TMOD2: variants seen among roughly 807,000 people sequenced by gnomAD.
TMOD2 encodes the protein tropomodulin-2.
TMOD2 carries 22 observed loss-of-function variants against 39.9 expected under a neutral mutation model. The ratio of observed to expected loss-of-function variants is 0.55; its 90% confidence interval spans 0.39 to 0.79. The LOEUF is 0.79. TMOD2 is among the 30% of genes least tolerant of loss of function. The pLI, the probability that TMOD2 is intolerant of heterozygous loss-of-function variation, is 0.00. For missense variants in TMOD2, 386 were observed against 413.3 expected (o/e 0.93, Z 0.57); for synonymous variants, 123 against 146.1 (o/e 0.84, Z 1.14).
rs1487416953 is a variant in TMOD2, at chr15:51,815,510, A to T, written c.*7056A>T. The T allele has an allele frequency of 6.6e-6, 1 of 152,200 alleles. No individual in the cohort carries two copies. The highest frequency in any genetic ancestry group is 1.5e-5 in the Non-Finnish European group (1 of 68,028). The allele number at this position is 152,200 out of a possible 1,614,324, so 9.4% of individuals were successfully genotyped here. On this transcript the variant is annotated 3_prime_UTR_variant, in exon 10 of 10. Transcript: ENST00000249700. ...CAAGATTTAAAACTTCCTGTGGGTA[A>T]TCTAACTGTGAGTAGATAGGAATCG...
intron 4 of TMOD2, among the ~76,000 whole-genome samples, chr15:51,775,754 T>A (rs985514347): frequency 5.3e-5 from 8 of 151,946 alleles, no homozygotes; most frequent in African/African-American, 1.7e-4. Flanking sequence ...ATTTTTCTAT[T>A]TTTTGTAGAG....
chr15:51,787,130 C>T (rs951938834), intron 7 of TMOD2, among the ~76,000 whole-genome samples: 1 of 142,852 alleles, frequency 7.0e-6, no homozygotes, highest in Non-Finnish European at 1.5e-5. Context: ...GCCCAAATAC[C>T]GCGCTTTTTC....
At chr15:51,796,199 T>A (rs2056050440) in intron 7 of TMOD2, among the ~76,000 whole-genome samples, 1 of 152,120 alleles carries the variant, frequency 6.6e-6, no homozygotes, top group Admixed American at 6.5e-5. Context: ...GCCCCTTTAT[T>A]TTTCTCCATT....
rs542946956 is a variant in TMOD2, at chr15:51,811,457, T to C, written c.*3003T>C. ...GTGTAAAATCACTCACCTGGACTTG[T>C]GGGCTTGTATCACCAACATCTATTA... On this transcript the variant is annotated 3_prime_UTR_variant, in exon 10 of 10. Transcript: ENST00000249700. 5 of 152,308 alleles carry C rather than the reference T, an allele frequency of 3.3e-5. No homozygotes were observed. The East Asian group carries it at 9.6e-4, about 29-fold the overall frequency. The allele number at this position is 152,308 out of a possible 1,614,324, so 9.4% of individuals were successfully genotyped here. A position where few individuals can be genotyped will look rare whatever the true frequency, so the allele number is the denominator to read the frequency against.
intron 8 of TMOD2, among the ~76,000 whole-genome samples, chr15:51,801,526 C>G (rs184909836): frequency 6.6e-6 from 1 of 152,184 alleles, no homozygotes; most frequent in African/African-American, 2.4e-5. Context: ...GAAGCCAAGA[C>G]CAATTTAACA....
In TMOD2 at chr15:51,777,544, T is replaced by C. The variant is rs566010814; in HGVS notation, c.493+526T>C. 8.5e-5 allele frequency among the ~76,000 whole-genome samples: 13 copies of C among 152,330 alleles called. No individual in the cohort carries two copies. The East Asian group carries it at 1.9e-3, about 23-fold the overall frequency. On this transcript the variant is annotated intron_variant, in intron 5 of 9. Coordinates refer to ENST00000249700, the MANE Select transcript of TMOD2 (RefSeq NM_014548.4). ...GTGCACAGGACATTCCACACCACTA[T>C]CTTCTATGTCAACGTTTCCTATAGA...
intron 3 of TMOD2, among the ~76,000 whole-genome samples, chr15:51,770,837 C>G (rs2055848776): frequency 6.6e-6 from 1 of 152,072 alleles, no homozygotes; most frequent in Non-Finnish European, 1.5e-5. Flanking sequence ...TAATAGTGAA[C>G]AGTGACAAAC....
chr15:51,802,883 G>T (rs1391198887), intron 8 of TMOD2, among the ~76,000 whole-genome samples: 1 of 152,178 alleles, frequency 6.6e-6, no homozygotes, highest in Non-Finnish European at 1.5e-5. Context: ...AGGGGTTGCT[G>T]GATGACAAGA....
chr15:51,754,263 A>G (rs760580625), intron 1 of TMOD2, among the ~76,000 whole-genome samples: 4 of 152,208 alleles, frequency 2.6e-5, no homozygotes, highest in Non-Finnish European at 5.9e-5. Context: ...AGGAAGTTTG[A>G]GAACATAGGC....
chr15:51,808,741 G>A lies in TMOD2; in HGVS notation c.*287G>A, dbSNP rs1051240159. 1 of 295,076 alleles carries A rather than the reference G, an allele frequency of 3.4e-6. No homozygotes were observed. The highest frequency in any genetic ancestry group is 2.2e-5 in the African/African-American group (1 of 45,698). 18.3% of individuals were successfully genotyped at this position (295,076 alleles called of 1,614,324 possible). ...AATGAATTTAACCACTTTCTTATTG[G>A]GTTGTCTTGCTTTCTTACATGAACT... On this transcript the variant is annotated 3_prime_UTR_variant, in exon 10 of 10. Coordinates refer to ENST00000249700, the MANE Select transcript of TMOD2 (RefSeq NM_014548.4).
intron 5 of TMOD2, among the ~76,000 whole-genome samples, chr15:51,779,449 C>T (rs1038945331): frequency 4.6e-5 from 7 of 150,726 alleles, no homozygotes; most frequent in Non-Finnish European, 7.4e-5. Flanking sequence ...GGCACGATCT[C>T]AGCTCACTGC....
In TMOD2 at chr15:51,816,202, T is replaced by C. The variant is rs900570638; in HGVS notation, c.*7748T>C. 9 of 152,236 alleles carry C rather than the reference T, an allele frequency of 5.9e-5. No individual in the cohort carries two copies. Among genetic ancestry groups the C allele is most frequent in the African/African-American group, 1.9e-4 (8 of 41,464 alleles). 9.4% of individuals were successfully genotyped at this position (152,236 alleles called of 1,614,324 possible). ...GGTGCAATTTTTAATCCTTTGAAAT[T>C]AGCCAGCCAGACCTAATGCTAAGGT... On this transcript the variant is annotated 3_prime_UTR_variant, in exon 10 of 10. Transcript: ENST00000249700.
chr15:51,770,442 A>G (rs2055845428), intron 3 of TMOD2, among the ~76,000 whole-genome samples: 1 of 152,126 alleles, frequency 6.6e-6, no homozygotes, highest in Admixed American at 6.5e-5. Flanking sequence ...ATCCTGGCAC[A>G]GCAACTGGCA....
chr15:51,797,022 A>G (rs149446317), intron 7 of TMOD2, among the ~76,000 whole-genome samples: 20 of 152,406 alleles, frequency 1.3e-4, no homozygotes, highest in Middle Eastern at 3.4e-3. Flanking sequence ...GACATAGACC[A>G]TAAGATTTCA....
rs187090708 is a variant in TMOD2, at chr15:51,814,815, A to G, written c.*6361A>G. 6.6e-5 allele frequency: 10 copies of G among 152,318 alleles called. 1 individual carries two copies. The highest frequency in any genetic ancestry group is 5.2e-4 in the Admixed American group (8 of 15,304). The allele number at this position is 152,318 out of a possible 1,614,324, so 9.4% of individuals were successfully genotyped here. ...CCGTTGCCTCTGAACATGGGTGAGT[A>G]ATGCCTCCACTGCAGCTGTTTCTCT... On this transcript the variant is annotated 3_prime_UTR_variant, in exon 10 of 10. Coordinates refer to ENST00000249700, the MANE Select transcript of TMOD2 (RefSeq NM_014548.4).
chr15:51,765,976 C>T (rs2055813830), intron 1 of TMOD2, among the ~76,000 whole-genome samples: 1 of 152,190 alleles, frequency 6.6e-6, no homozygotes, highest in Non-Finnish European at 1.5e-5. Flanking sequence ...ATTGTTCTCC[C>T]CTGTTTTTCT....
At chr15:51,757,776 C>G (rs1190492524) in intron 1 of TMOD2, among the ~76,000 whole-genome samples, 5 of 152,154 alleles carry the variant, frequency 3.3e-5, no homozygotes, top group Non-Finnish European at 7.3e-5. Context: ...AGCAGACCAG[C>G]CATGAGCTGG....
chr15:51,755,076 A>T (rs2055732973), intron 1 of TMOD2, among the ~76,000 whole-genome samples: 1 of 152,128 alleles, frequency 6.6e-6, no homozygotes, highest in Non-Finnish European at 1.5e-5. Context: ...TTTCATCCTA[A>T]ATTTCCTAAC....
At chr15:51,751,974 TGCCGCAGCCTCTGCAGCCCGCTGG>T (rs1014678952) in intron 1 of TMOD2, among the ~76,000 whole-genome samples, 7 of 151,074 alleles carry the variant, frequency 4.6e-5, no homozygotes, top group African/African-American at 7.3e-5. Context: ...CGCACTGCGG[TGCCGCAGCCTCTGCAGCCCGCTGG>T]GCCGCAGCGG....
Sources: allele counts gnomAD v4.1 joint callset (sites outside exome capture counted in the v4.1 genomes callset), GRCh38; gene constraint gnomAD v4.1.1; transcripts MANE v1.5; gene names NCBI Gene and HGNC (gene_info 2026-07-23, HGNC 2026-07-21).